Variants in PI4KB observed in about 807,000 individuals in gnomAD.
The protein encoded by PI4KB is phosphatidylinositol 4-kinase beta.
PI4KB carries 23 observed loss-of-function variants against 81.4 expected under a neutral mutation model. That is an observed-to-expected ratio of 0.28 (90% CI 0.20 to 0.40). PI4KB has a LOEUF of 0.40. PI4KB is among the 10% of genes least tolerant of loss of function. The probability of loss-of-function intolerance (pLI) is 1.00; values close to 1 mark genes in which losing one functional copy is unlikely to be tolerated. For synonymous variants in PI4KB, 381 were observed against 406.8 expected (o/e 0.94, Z 0.76); for missense variants, 651 against 1,036.6 (o/e 0.63, Z 5.11).
Position 151,296,260 on chromosome 1 carries a change from A to C in PI4KB, c.2016-1719T>G, listed in dbSNP as rs190524545. 4.9e-3 allele frequency among the ~76,000 whole-genome samples: 751 copies of C among 152,136 alleles called. 6 individuals carry two copies. The highest frequency in any genetic ancestry group is 0.014 in the Middle Eastern group (4 of 294). On this transcript the variant is annotated intron_variant, in intron 9 of 11. Coordinates refer to ENST00000368873, the MANE Select transcript of PI4KB (RefSeq NM_001369623.2). ...AGACTCTGTCTCACACACACACACAAAAATATTACATTCTCCTACAGCTCT... is the reference window on the plus strand; with the variant it reads ...AGACTCTGTCTCACACACACACACACAAATATTACATTCTCCTACAGCTCT...
chr1:151,305,957 G>C (rs1031622258), intron 5 of PI4KB, among the ~76,000 whole-genome samples, 179 bp downstream of exon 5: 3 of 152,134 alleles, frequency 2.0e-5, no homozygotes, highest in African/African-American at 7.2e-5. Flanking sequence ...AACTCCACCT[G>C]AATCTATTCC....
rs1267222624 is a variant in PI4KB at position 151,306,281 on chromosome 1, C to T, written c.1265G>A (p.Arg422Gln). 12 of 1,614,028 alleles carry T rather than the reference C, an allele frequency of 7.4e-6. No homozygotes were observed. The highest frequency in any genetic ancestry group is 1.7e-5 in the Admixed American group (1 of 59,998). Reference protein sequence around the residue: ...TSVPARIPENRIRSTRSVENL... With the variant: ...TSVPARIPENQIRSTRSVENL... ...TTCTACGGACCTCGTACTCCGAATT[C>T]GGTTCTCGGGGATCCGGGCAGGGAC... The change falls in exon 5 of 12, where the codon CGA becomes CAA. Residue 422 changes from arginine (R) to glutamine (Q), a missense_variant. Physicochemically the swap from Arg to Gln is conservative, Grantham distance 43. This residue lies in a region of PI4KB where 246 missense variants were observed against 430.1 expected (regional missense o/e 0.57). Coordinates refer to ENST00000368873, the MANE Select transcript of PI4KB (RefSeq NM_001369623.2).
At chr1:151,321,477 C>T (rs564756806) in intron 1 of PI4KB, among the ~76,000 whole-genome samples, 2 of 152,072 alleles carry the variant, frequency 1.3e-5, no homozygotes, top group Admixed American at 6.5e-5. Flanking sequence ...CTCCGCCTCC[C>T]AGGTTCAAGC....
intron 11 of PI4KB, chr1:151,293,382 G>A: frequency 7.6e-7 from 1 of 1,313,746 alleles, no homozygotes; most frequent in Non-Finnish European, 1.0e-6. Flanking sequence ...CTCTGCCTAT[G>A]CTACGTCTGA....
chr1:151,304,766 G>A (rs1374849482), intron 5 of PI4KB, among the ~76,000 whole-genome samples: 3 of 151,112 alleles, frequency 2.0e-5, no homozygotes, highest in African/African-American at 7.3e-5. Context: ...AGTGATTCTT[G>A]TGCTTCAAGA....
Position 151,316,296 on chromosome 1 carries a change from C to A in PI4KB, c.186G>T (p.Leu62Phe), listed in dbSNP as rs754067942. 6.2e-7 allele frequency: 1 copy of A among 1,614,204 alleles called. No homozygotes were observed. Among genetic ancestry groups the A allele is most frequent in the Non-Finnish European group, 8.5e-7 (1 of 1,180,026 alleles). Residue 62 changes from leucine (L) to phenylalanine (F), a missense_variant, in exon 2 of 12, where the codon TTG becomes TTT. Around this residue, in one of 5 missense-constraint regions of PI4KB, gnomAD observed 314 missense variants for 397.8 expected, o/e 0.79. Transcript: ENST00000368873. ...CQEVLEKVKL[L>F]HGGVAVSSRG... ...TGCTAGAGACTGCCACGCCTCCATG[C>A]AAAAGCTTGACTTTCTCCAACACCT...
At chr1:151,294,624 C>T in intron 9 of PI4KB, 83 bp from the exon 10 acceptor site, 1 of 1,349,250 alleles carries the variant, frequency 7.4e-7, no homozygotes, top group Admixed American at 1.8e-5. Flanking sequence ...ACACTGGCCA[C>T]ATGACACCAG....
Position 151,302,261 on chromosome 1 carries a change from C to T in PI4KB, c.1558G>A (p.Ala520Thr). The T allele has an allele frequency of 1.2e-6, 2 of 1,614,180 alleles. No individual in the cohort carries two copies. The highest frequency in any genetic ancestry group is 1.7e-6 in the Non-Finnish European group (2 of 1,180,020). Residue 520 changes from alanine (A) to threonine (T), a missense_variant, in exon 7 of 12, where the codon GCC becomes ACC. Ala to Thr is a moderately conservative substitution (Grantham distance 58). Coordinates refer to ENST00000368873, the MANE Select transcript of PI4KB (RefSeq NM_001369623.2). ...GGATCTTCTGGGTCTCGTTTGAAGG[C>T]TGTCGGGGTATGAGCCAGCTGTTCC... is the stretch of plus-strand genomic sequence containing the variant. ...LSEQLAHTPT[A>T]FKRDPEDPSA... is the part of the protein sequence containing the mutation.
At chr1:151,326,687 C>T (rs2102035860) in intron 1 of PI4KB, among the ~76,000 whole-genome samples, 3 of 152,144 alleles carry the variant, frequency 2.0e-5, no homozygotes, top group Admixed American at 2.0e-4. Flanking sequence ...ATGACAAGGG[C>T]CCGAGATCCC....
intron 1 of PI4KB, among the ~76,000 whole-genome samples, chr1:151,322,557 T>C (rs1314820592): frequency 4.6e-5 from 7 of 152,164 alleles, no homozygotes; most frequent in Non-Finnish European, 1.0e-4. Flanking sequence ...ATTTTTTCCA[T>C]GGACTAGATA....
chr1:151,318,381 C>T (rs1648308534), intron 1 of PI4KB, among the ~76,000 whole-genome samples: 1 of 142,702 alleles, frequency 7.0e-6, no homozygotes, highest in South Asian at 2.2e-4. Context: ...TACGCCATTG[C>T]ACTCCAGCCT....
chr1:151,315,446 G>A (rs1210889256), intron 2 of PI4KB, 127 bp downstream of exon 2: 1 of 710,016 alleles, frequency 1.4e-6, no homozygotes, highest in East Asian at 2.5e-5. Context: ...AACATTCCAT[G>A]CTTTTATCAG....
At chr1:151,293,171 T>C (rs1477704315) in intron 11 of PI4KB, 138 bp from the exon 12 acceptor site, 3 of 1,485,222 alleles carry the variant, frequency 2.0e-6, no homozygotes, top group South Asian at 1.4e-5. Context: ...GGTGCAGTTC[T>C]GCTTGGGCAG....
intron 2 of PI4KB, among the ~76,000 whole-genome samples, chr1:151,311,058 A>G (rs1323157897): frequency 6.6e-6 from 1 of 152,220 alleles, no homozygotes; most frequent in Non-Finnish European, 1.5e-5. Flanking sequence ...TCCTAGTCCC[A>G]GCCCAGAGGA....
In PI4KB at chr1:151,292,611, G is replaced by A. The variant is rs1300725571; in HGVS notation, c.*241C>T. The A allele has an allele frequency of 1.9e-6, 1 of 540,164 alleles. No homozygotes were observed. Among genetic ancestry groups the A allele is most frequent in the Middle Eastern group, 4.9e-4 (1 of 2,038 alleles). 33.5% of individuals were successfully genotyped at this position (540,164 alleles called of 1,614,324 possible). A position where few individuals can be genotyped will look rare whatever the true frequency, so the allele number is the denominator to read the frequency against. ...CAGTGAGTCCTGGAGTCAGTCTGGT[G>A]GTAATACTGACACAGACCAGGAGGG... On this transcript the variant is annotated 3_prime_UTR_variant, in exon 12 of 12. Coordinates refer to ENST00000368873, the MANE Select transcript of PI4KB (RefSeq NM_001369623.2).
At position 151,298,884 on chromosome 1, in the gene PI4KB, G is replaced by A; in HGVS notation, c.1939C>T (p.Leu647Phe). Residue 647 changes from leucine to phenylalanine, a missense_variant, in exon 9 of 12, where the codon CTC becomes TTC. This residue lies in a region of PI4KB where 246 missense variants were observed against 430.1 expected (regional missense o/e 0.57). Transcript: ENST00000368873. ...EHGSYTTEAF[L>F]SAQRNFVQSC... ...TGCACAAAATTGCGCTGTGCACTGA[G>A]GAATGCCTCAGTGGTGTAACTGCCG... The A allele has an allele frequency of 6.2e-7, 1 of 1,614,198 alleles. No homozygotes were observed. The highest frequency in any genetic ancestry group is 8.5e-7 in the Non-Finnish European group (1 of 1,180,020).
At chr1:151,320,920 T>C (rs994960630) in intron 1 of PI4KB, among the ~76,000 whole-genome samples, 2 of 152,194 alleles carry the variant, frequency 1.3e-5, no homozygotes, top group Non-Finnish European at 2.9e-5. Context: ...TCAAGGGAAA[T>C]ACAGTTCAGA....
chr1:151,306,904 G>A (rs587655296), intron 4 of PI4KB, among the ~76,000 whole-genome samples: 4 of 152,282 alleles, frequency 2.6e-5, no homozygotes, highest in South Asian at 2.1e-4. Flanking sequence ...GCGAAACCCC[G>A]TCGCTACTAA....
At chr1:151,306,652 G>GT (rs1557798420) in intron 4 of PI4KB, among the ~76,000 whole-genome samples, 1 of 152,242 alleles carries the variant, frequency 6.6e-6, no homozygotes, top group Admixed American at 6.5e-5. Flanking sequence ...ATTACAGGCT[G>GT]TAAGGGAGGC....
Sources: allele counts gnomAD v4.1 joint callset (sites outside exome capture counted in the v4.1 genomes callset), GRCh38; gene constraint gnomAD v4.1.1; regional missense constraint gnomAD v4.1.1; transcripts MANE v1.5; gene names NCBI Gene and HGNC (gene_info 2026-07-23, HGNC 2026-07-21).